GSE1: variants seen among roughly 807,000 people sequenced by gnomAD.
The protein encoded by GSE1 is genetic suppressor element 1.
A neutral mutation model predicts 112.6 loss-of-function variants in GSE1; 32 were observed. That is an observed-to-expected ratio of 0.28 (90% CI 0.21 to 0.38). The LOEUF (loss-of-function observed/expected upper bound fraction) is 0.38. GSE1 is among the 10% of genes least tolerant of loss of function. GSE1 has a pLI of 1.00. For missense variants in GSE1, 2,348 were observed against 1,699.2 expected (o/e 1.38, Z -6.71); for synonymous variants, 1,115 against 735.6 (o/e 1.52, Z -8.35).
At chr16:85,286,764 A>G (rs1252957763) in intron 1 of GSE1, among the ~76,000 whole-genome samples, 1 of 151,134 alleles carries the variant, frequency 6.6e-6, no homozygotes, top group Non-Finnish European at 1.5e-5. Context: ...CTGCTCTGGT[A>G]TCACTTGGGA....
intron 2 of GSE1, among the ~76,000 whole-genome samples, chr16:85,382,751 G>A (rs2047576779): frequency 6.7e-6 from 1 of 149,482 alleles, no homozygotes; most frequent in Admixed American, 6.6e-5. Flanking sequence ...ACTCAAGCAT[G>A]TGCACACACA....
rs76803321 is a variant in GSE1 at position 85,455,810 on chromosome 16, G to A, written c.2464+98167G>A. ...CAGGCAGCTGTCTGGGGGTGAAAGC[G>A]TCACGCTCTCTCTCCACTCTCACGC... On this transcript the variant is annotated intron_variant, in intron 2 of 2. Transcript: ENST00000637419. Among the ~76,000 whole-genome samples, 29 of 152,298 alleles carry A rather than the reference G, an allele frequency of 1.9e-4. No homozygotes were observed. The East Asian group carries it at 2.9e-3, about 15-fold the overall frequency.
chr16:85,434,541 G>A (rs1462380021), intron 2 of GSE1, among the ~76,000 whole-genome samples: 2 of 152,198 alleles, frequency 1.3e-5, no homozygotes, highest in Admixed American at 1.3e-4. Context: ...AGCCAGGCTG[G>A]TCACGGCAGC....
chr16:85,404,305 G>A (rs1477811169), intron 2 of GSE1, among the ~76,000 whole-genome samples: 4 of 78,726 alleles, frequency 5.1e-5, no homozygotes, highest in Non-Finnish European at 7.4e-5. Context: ...AGGCCCCCCG[G>A]ATAATCCTCA....
chr16:85,626,923 C>G (rs1286657509), intron 1 of GSE1, among the ~76,000 whole-genome samples: 2 of 151,846 alleles, frequency 1.3e-5, no homozygotes, highest in African/African-American at 4.8e-5. Context: ...GGACAGCAGG[C>G]AGACCGGTTT....
At chr16:85,189,761 A>G (rs1203909112) in intron 1 of GSE1, among the ~76,000 whole-genome samples, 2 of 152,212 alleles carry the variant, frequency 1.3e-5, no homozygotes, top group African/African-American at 2.4e-5. Flanking sequence ...TTGTTTTCAA[A>G]GAGCTTATTC....
chr16:85,415,601 G>A lies in GSE1; in HGVS notation c.2464+57958G>A, dbSNP rs551224020. Among the ~76,000 whole-genome samples the A allele has an allele frequency of 2.8e-3, 424 of 152,362 alleles. 1 individual carries two copies. Among genetic ancestry groups the A allele is most frequent in the Non-Finnish European group, 4.7e-3 (321 of 68,034 alleles). ...GCCCCGAGCAAACCCTTCTACAGCA[G>A]CTGGCCTCTGCTGACCCCGTGATCG... On this transcript the variant is annotated intron_variant, in intron 2 of 2. Coordinates refer to the GSE1 transcript ENST00000637419.
chr16:85,404,784 A>T (rs1160359188), intron 2 of GSE1, among the ~76,000 whole-genome samples: 2 of 25,666 alleles, frequency 7.8e-5, no homozygotes, highest in Non-Finnish European at 1.2e-4. Context: ...TCACCGTTAC[A>T]CTCAGGGCCC....
chr16:85,212,239 C>G lies in GSE1; in HGVS notation c.2283+40432C>G, dbSNP rs151236028. Among the ~76,000 whole-genome samples, 74 of 152,234 alleles carry G rather than the reference C, an allele frequency of 4.9e-4. 1 individual carries two copies. Among genetic ancestry groups the G allele is most frequent in the African/African-American group, 1.6e-3 (68 of 41,538 alleles). On this transcript the variant is annotated intron_variant, in intron 1 of 2. Transcript: ENST00000637419. ...TGGCCAACATGGTAAAACCCTGTCT[C>G]TACTAAAAATACAAAAATTAGCTGG...
intron 2 of GSE1, among the ~76,000 whole-genome samples, chr16:85,484,572 C>T (rs2050776085): frequency 6.6e-6 from 1 of 152,240 alleles, no homozygotes; most frequent in African/African-American, 2.4e-5. Flanking sequence ...ATTGGTGCTT[C>T]AGGGGCCAGG....
Position 85,657,357 on chromosome 16 carries a change from G to A in GSE1, c.1393G>A (p.Val465Met). ...TCCGGTGCCCACCCCACACCACACG[G>A]TGCCCAGCCTCATCTCCAACCATGG... ...LHPVPTPHHT[V>M]PSLISNHGIF... The change falls in exon 8 of 16, where the codon GTG (valine) becomes ATG (methionine). Residue 465 changes from valine to methionine, a missense_variant. Transcript: ENST00000253458. 5 of 1,611,830 alleles carry A rather than the reference G, an allele frequency of 3.1e-6. No individual in the cohort carries two copies. Among genetic ancestry groups the A allele is most frequent in the Non-Finnish European group, 4.2e-6 (5 of 1,179,662 alleles).
intron 1 of GSE1, among the ~76,000 whole-genome samples, chr16:85,218,290 C>G (rs1023210843): frequency 6.6e-6 from 1 of 152,168 alleles, no homozygotes; most frequent in Non-Finnish European, 1.5e-5. Flanking sequence ...GTCCAGAGCA[C>G]CAGGTTTGAG....
chr16:85,267,461 TG>T (rs1164873295), intron 1 of GSE1, among the ~76,000 whole-genome samples: 1 of 151,836 alleles, frequency 6.6e-6, no homozygotes, highest in African/African-American at 2.4e-5. Flanking sequence ...GCAGTGACCG[TG>T]GGGGGTGGGG....
chr16:85,606,640 G>C (rs992274852), upstream of GSE1, among the ~76,000 whole-genome samples: 1 of 152,234 alleles, frequency 6.6e-6, no homozygotes, highest in Non-Finnish European at 1.5e-5. Context: ...CCCACCACCA[G>C]GGTGCAGGAC....
chr16:85,652,104 G>C (rs987164194), intron 3 of GSE1, among the ~76,000 whole-genome samples: 2 of 152,236 alleles, frequency 1.3e-5, no homozygotes, highest in Non-Finnish European at 2.9e-5. Flanking sequence ...CCCCCACCCT[G>C]CTGGTGCGTC....
chr16:85,232,294 A>C (rs1484662517), intron 1 of GSE1, among the ~76,000 whole-genome samples: 2 of 152,198 alleles, frequency 1.3e-5, no homozygotes, highest in Non-Finnish European at 2.9e-5. Context: ...TGAAAAGGCC[A>C]ACCCTCGTTT....
intron 2 of GSE1, among the ~76,000 whole-genome samples, chr16:85,431,074 C>G (rs1030719705): frequency 1.3e-5 from 2 of 150,140 alleles, no homozygotes; most frequent in Admixed American, 6.6e-5. Flanking sequence ...GCCACTGCCT[C>G]GGGGGGCGGA....
At chr16:85,196,304 T>C (rs1317074126) in intron 1 of GSE1, among the ~76,000 whole-genome samples, 1 of 152,162 alleles carries the variant, frequency 6.6e-6, no homozygotes, top group Non-Finnish European at 1.5e-5. Context: ...CCCTCTGTCC[T>C]CTGGAACTTT....
chr16:85,639,140 T>C (rs1362119719), intron 2 of GSE1, among the ~76,000 whole-genome samples: 1 of 152,204 alleles, frequency 6.6e-6, no homozygotes, highest in Admixed American at 6.5e-5. Context: ...TCTGCCCTGG[T>C]GGCTATTGGT....
Sources: gnomAD v4.1 joint callset for allele counts (sites outside exome capture counted in the v4.1 genomes callset) on GRCh38, gnomAD v4.1.1 for gene constraint, MANE v1.5 for transcripts, NCBI Gene and HGNC (gene_info 2026-07-23, HGNC 2026-07-21) for gene names.